SNX29: variants seen among roughly 807,000 people sequenced by gnomAD.
SNX29 encodes sorting nexin 29, also known as sorting nexin-29.
SNX29 carries 78 observed loss-of-function variants against 102.1 expected under a neutral mutation model. That is an observed-to-expected ratio of 0.76 (90% CI 0.64 to 0.92). SNX29 has a LOEUF of 0.92. SNX29 is among the 40% of genes least tolerant of loss of function. SNX29 has a pLI of 0.00. For missense variants in SNX29, 1,280 were observed against 1,061.7 expected (o/e 1.21, Z -2.86); for synonymous variants, 580 against 414.5 (o/e 1.40, Z -4.85).
chr16:12,484,215 C>T (rs1567611383), intron 19 of SNX29, among the ~76,000 whole-genome samples: 2 of 152,144 alleles, frequency 1.3e-5, no homozygotes, highest in Non-Finnish European at 1.5e-5. Flanking sequence ...GCGGTGCGAT[C>T]ATGGCTCACT....
chr16:12,531,115 C>T (rs975578164), intron 20 of SNX29, among the ~76,000 whole-genome samples: 1 of 152,224 alleles, frequency 6.6e-6, no homozygotes, highest in East Asian at 1.9e-4. Context: ...CACTAAAGCC[C>T]ACCCTCTCAT....
At chr16:11,997,141 C>G (rs1372243190) in intron 1 of SNX29, among the ~76,000 whole-genome samples, 2 of 152,178 alleles carry the variant, frequency 1.3e-5, no homozygotes, top group Admixed American at 6.6e-5. Context: ...TGACTGACAT[C>G]TGCCCGCCTG....
intron 11 of SNX29, among the ~76,000 whole-genome samples, chr16:12,109,812 C>A (rs1169067318): frequency 6.6e-6 from 1 of 152,046 alleles, no homozygotes; most frequent in African/African-American, 2.4e-5. Flanking sequence ...CTCACTGCAA[C>A]CTCCGCCTCA....
chr16:12,416,970 T>G (rs1261135126), intron 18 of SNX29, among the ~76,000 whole-genome samples: 2 of 152,214 alleles, frequency 1.3e-5, no homozygotes, highest in East Asian at 3.8e-4. Context: ...TATGTGCCAA[T>G]TAAAAGTAAA....
At chr16:12,405,379 G>T (rs1219315254) in intron 18 of SNX29, among the ~76,000 whole-genome samples, 5 of 152,102 alleles carry the variant, frequency 3.3e-5, no homozygotes, top group African/African-American at 1.2e-4. Flanking sequence ...CACTGTGGCA[G>T]TGAAGCCACT....
intron 13 of SNX29, among the ~76,000 whole-genome samples, chr16:12,198,141 G>A (rs974582887): frequency 4.6e-5 from 7 of 152,076 alleles, no homozygotes; most frequent in African/African-American, 1.4e-4. Context: ...TGAGTGTTTT[G>A]GGTTGGTAGT....
intron 15 of SNX29, among the ~76,000 whole-genome samples, chr16:12,292,036 G>C (rs2079814684): frequency 6.6e-6 from 1 of 152,196 alleles, no homozygotes; most frequent in African/African-American, 2.4e-5. Context: ...AGGGAAATTG[G>C]CGCTGTCAGA....
At chr16:12,330,057 A>G (rs2081249768) in intron 15 of SNX29, among the ~76,000 whole-genome samples, 1 of 152,228 alleles carries the variant, frequency 6.6e-6, no homozygotes, top group Admixed American at 6.5e-5. Flanking sequence ...AATGGGGATA[A>G]TGAAGACCCA....
At chr16:12,212,295 G>A (rs571852277) in intron 14 of SNX29, among the ~76,000 whole-genome samples, 2 of 152,326 alleles carry the variant, frequency 1.3e-5, no homozygotes, top group South Asian at 2.1e-4. Flanking sequence ...GAGGGACTCG[G>A]AAGTGGACAT....
At chr16:12,493,662 G>T (rs148776878) in intron 19 of SNX29, among the ~76,000 whole-genome samples, 284 of 152,290 alleles carry the variant, frequency 1.9e-3, no homozygotes, top group Middle Eastern at 3.4e-3. Context: ...CACGATCTCG[G>T]CTCACTGCAA....
chr16:12,069,644 C>T (rs746188795), intron 10 of SNX29, among the ~76,000 whole-genome samples: 11 of 152,104 alleles, frequency 7.2e-5, no homozygotes, highest in Non-Finnish European at 1.0e-4. Context: ...TGGTAGATGA[C>T]GAATGTCAAC....
chr16:12,555,187 T>C (rs1444829232), intron 20 of SNX29, among the ~76,000 whole-genome samples: 1 of 151,594 alleles, frequency 6.6e-6, no homozygotes, highest in Non-Finnish European at 1.5e-5. Context: ...TACTCAGGTG[T>C]GGCATGCAGA....
intron 15 of SNX29, among the ~76,000 whole-genome samples, chr16:12,333,023 T>TG (rs1170745044): frequency 3.3e-5 from 5 of 151,766 alleles, no homozygotes; most frequent in African/African-American, 1.2e-4. Flanking sequence ...GAGGAAAGAA[T>TG]GAAGGGAATG....
At chr16:12,090,741 A>AG (rs775961173) in intron 11 of SNX29, among the ~76,000 whole-genome samples, 1 of 152,124 alleles carries the variant, frequency 6.6e-6, no homozygotes, top group Non-Finnish European at 1.5e-5. Flanking sequence ...CCAGGTATGG[A>AG]GGCTCACACC....
At position 12,357,780 on chromosome 16, in the gene SNX29, CAG is replaced by C. The variant is rs537635509; in HGVS notation, c.1899+1504_1899+1505del. On this transcript the variant is annotated intron_variant, in intron 16 of 20. Coordinates refer to ENST00000566228, the MANE Select transcript of SNX29 (RefSeq NM_032167.5). ...ACTGTCTTAGGTTTCTTTTCTTCAACAGAGTCTTCTCTCATCTCTCTCTCTCC... is the reference window on the plus strand; with the variant it reads ...ACTGTCTTAGGTTTCTTTTCTTCAACAGTCTTCTCTCATCTCTCTCTCTCC... Among the ~76,000 whole-genome samples, 143 of 152,282 alleles carry C rather than the reference CAG, an allele frequency of 9.4e-4. 1 individual carries two copies. Among genetic ancestry groups the C allele is most frequent in the South Asian group, 2.3e-3 (11 of 4,818 alleles).
chr16:12,550,488 T>TTGAGAC, intron 20 of SNX29, among the ~76,000 whole-genome samples: 1 of 150,860 alleles, frequency 6.6e-6, no homozygotes, highest in Non-Finnish European at 1.5e-5. Context: ...TGAGCTGACA[T>TTGAGAC]TGTGTCATTA....
chr16:12,545,289 G>T (rs571739005), intron 20 of SNX29, among the ~76,000 whole-genome samples: 1 of 152,150 alleles, frequency 6.6e-6, no homozygotes, highest in Non-Finnish European at 1.5e-5. Flanking sequence ...TTGCCACTTC[G>T]CCCTCTTTAC....
chr16:12,489,617 C>A (rs2088436284), intron 19 of SNX29, among the ~76,000 whole-genome samples: 1 of 152,216 alleles, frequency 6.6e-6, no homozygotes, highest in Non-Finnish European at 1.5e-5. Flanking sequence ...CAAGTATTTC[C>A]CATGGTGCGG....
chr16:12,504,615 CCCACA>C (rs1183878120), intron 19 of SNX29, among the ~76,000 whole-genome samples: 1 of 152,216 alleles, frequency 6.6e-6, no homozygotes, highest in Non-Finnish European at 1.5e-5. Flanking sequence ...GTTTCAGTTA[CCCACA>C]GTACAGTACA....
Sources: allele counts gnomAD v4.1 joint callset (sites outside exome capture counted in the v4.1 genomes callset), GRCh38; gene constraint gnomAD v4.1.1; transcripts MANE v1.5; gene names NCBI Gene and HGNC (gene_info 2026-07-23, HGNC 2026-07-21).